Variants in TMEM223 observed in about 807,000 individuals in gnomAD.
TMEM223 encodes transmembrane protein 223.
Under a neutral mutation model 14.1 loss-of-function variants are expected in TMEM223, and 14 were observed. The ratio of observed to expected loss-of-function variants is 0.99; its 90% CI spans 0.66 to 1.55. TMEM223 has a LOEUF of 1.55. Among genes scored for constraint, TMEM223 ranks in the 40% most tolerant of loss-of-function variants. The pLI is 0.00. For missense variants in TMEM223, 346 were observed against 269.9 expected (o/e 1.28, Z -1.97); for synonymous variants, 145 against 120.5 (o/e 1.20, Z -1.33).
downstream of TMEM223, among the ~76,000 whole-genome samples, chr11:62,785,093 T>G (rs566972398): frequency 6.6e-6 from 1 of 152,112 alleles, no homozygotes; most frequent in South Asian, 2.1e-4. Flanking sequence ...TCCTTTGGCC[T>G]TCCCAAAGTG....
rs757495062 is a variant in TMEM223, at chr11:62,790,934, T to C, written c.317-19A>G. On this transcript the variant is annotated intron_variant, in intron 1 of 1. Coordinates refer to ENST00000307366, the MANE Select transcript of TMEM223 (RefSeq NM_001080501.3). ...AGGGCTCCTGCAGGCAGGGCAGAGA[T>C]TGGGGTGAGGGGTTTTCACTGGGCA... The C allele has an allele frequency of 5.2e-6, 8 of 1,538,122 alleles. No individual in the cohort carries two copies. The Admixed American group carries it at 6.0e-5, about 12-fold the overall frequency.
rs2084339670 is a variant in TMEM223, at chr11:62,789,991, C to G, written c.*632G>C. 6 of 1,614,052 alleles carry G rather than the reference C, an allele frequency of 3.7e-6. No homozygotes were observed. The highest frequency in any genetic ancestry group is 4.2e-6 in the Non-Finnish European group (5 of 1,180,010). On this transcript the variant is annotated 3_prime_UTR_variant, in exon 2 of 2. Coordinates refer to ENST00000307366, the MANE Select transcript of TMEM223 (RefSeq NM_001080501.3). ...ATACCGGCCTCTGGAGAGGGGTGAC[C>G]CTGAGTGGAGCTCTGAGACAGATGC...
At chr11:62,777,960 A>G (rs1415959655) in intron 1 of TMEM223, 3 of 1,613,400 alleles carry the variant, frequency 1.9e-6, no homozygotes, top group Non-Finnish European at 1.7e-6. Context: ...GCTGCTCTCC[A>G]ATTCCCTTTT....
At chr11:62,785,118 G>T (rs565144121), downstream of TMEM223, among the ~76,000 whole-genome samples, 2 of 151,880 alleles carry the variant, frequency 1.3e-5, no homozygotes, top group Non-Finnish European at 2.9e-5. Flanking sequence ...GATTACAAGC[G>T]TGAGGCACTG....
intron 1 of TMEM223, chr11:62,782,371 CAGAGCCAAGT>C: frequency 6.3e-7 from 1 of 1,598,276 alleles, no homozygotes; most frequent in Non-Finnish European, 8.5e-7. Flanking sequence ...GGGATTGCTG[CAGAGCCAAGT>C]GGGTTGGGGT....
downstream of TMEM223, chr11:62,787,071 G>A: frequency 6.5e-7 from 1 of 1,530,644 alleles, no homozygotes; most frequent in Non-Finnish European, 8.7e-7. Context: ...ACGTTTTCCA[G>A]AAGAGCCGTT....
chr11:62,783,535 CTTTTTT>C (rs1342686734), downstream of TMEM223, among the ~76,000 whole-genome samples: 1 of 133,914 alleles, frequency 7.5e-6, no homozygotes. Context: ...GAGGGAGGAT[CTTTTTT>C]TTTTTTTTTT....
rs370685933 is a variant in TMEM223, at chr11:62,791,859, T to C, written c.136A>G (p.Thr46Ala). The change falls in exon 1 of 2, where the codon ACC becomes GCC. Residue 46 changes from threonine (T) to alanine (A), a missense_variant. Thr to Ala is a moderately conservative substitution (Grantham distance 58). Coordinates refer to ENST00000307366, the MANE Select transcript of TMEM223 (RefSeq NM_001080501.3). ...CCCGCGCAGAACAGCCCGAGGATGGTGAAGAAGCGGCCCCGATCATGCTCA... is the reference window on the plus strand; with the variant it reads ...CCCGCGCAGAACAGCCCGAGGATGGCGAAGAAGCGGCCCCGATCATGCTCA... ...LFEHDRGRFF[T>A]ILGLFCAGQG... 2 of 1,592,470 alleles carry C rather than the reference T, an allele frequency of 1.3e-6. No individual in the cohort carries two copies. The highest frequency in any genetic ancestry group is 1.8e-5 in the Admixed American group (1 of 56,440).
rs532145780 is a variant in TMEM223 at position 62,791,975 on chromosome 11, C to A, written c.20G>T (p.Arg7Leu). 125 of 1,555,902 alleles carry A rather than the reference C, an allele frequency of 8.0e-5. No individual in the cohort carries two copies. The South Asian group carries it at 1.3e-3, about 16-fold the overall frequency. MAAPWR[R>L]WPTGLLAVLR... ...CACGGCTAGCAGCCCCGTGGGCCAT[C>A]GCCTCCAAGGCGCCGCCATGGCCAG... Residue 7 changes from arginine (R) to leucine (L), a missense_variant, in exon 1 of 2, where the codon CGA becomes CTA. Physicochemically the swap from Arg to Leu is moderately radical, Grantham distance 102. Transcript: ENST00000307366.
rs754251585 is a variant in TMEM223, at chr11:62,790,541, A to C, written c.*82T>G. 7.5e-7 allele frequency: 1 copy of C among 1,333,430 alleles called. No individual in the cohort carries two copies. The highest frequency in any genetic ancestry group is 1.0e-6 in the Non-Finnish European group (1 of 973,064). The allele number at this position is 1,333,430 out of a possible 1,614,324, so 82.6% of individuals were successfully genotyped here. On this transcript the variant is annotated 3_prime_UTR_variant, in exon 2 of 2. Transcript: ENST00000307366. Reference sequence around the variant, plus strand: ...CCTCCCAAAGTGCTGGGATTACAACAGGTGTGAACCAACACACCTGGCTCC... The same window carrying C: ...CCTCCCAAAGTGCTGGGATTACAACCGGTGTGAACCAACACACCTGGCTCC...
chr11:62,776,991 A>G (rs2084192922), intron 1 of TMEM223, among the ~76,000 whole-genome samples: 1 of 152,024 alleles, frequency 6.6e-6, no homozygotes, highest in African/African-American at 2.4e-5. Context: ...TACTAAAAAT[A>G]CAAAAATTAG....
At chr11:62,779,952 C>CCATATATATATATATATATATATATATA (rs1332185092) in intron 1 of TMEM223, among the ~76,000 whole-genome samples, 1 of 100,056 alleles carries the variant, frequency 1.0e-5, no homozygotes, top group Admixed American at 1.1e-4. Context: ...AGGCGTGAGC[C>CCATATATATATATATATATATATATATA]TATATATATA....
chr11:62,785,419 C>A (rs1422983666), downstream of TMEM223, among the ~76,000 whole-genome samples: 1 of 151,138 alleles, frequency 6.6e-6, no homozygotes, highest in Non-Finnish European at 1.5e-5. Flanking sequence ...GTCTCGAACT[C>A]CTGACCTCCT....
intron 1 of TMEM223, among the ~76,000 whole-genome samples, chr11:62,775,314 A>G (rs115370577): frequency 1.4e-3 from 220 of 152,320 alleles, no homozygotes; most frequent in African/African-American, 5.1e-3. Context: ...TGATTCAGTT[A>G]TCTCCACCTG....
At chr11:62,772,178 A>G in intron 2 of TMEM223, 1 of 456,088 alleles carries the variant, frequency 2.2e-6, no homozygotes, top group Non-Finnish European at 4.4e-6. Flanking sequence ...TATTGAGAAT[A>G]TAGTGAAGTA....
chr11:62,776,786 G>T (rs990691042), intron 1 of TMEM223, among the ~76,000 whole-genome samples: 1 of 151,228 alleles, frequency 6.6e-6, no homozygotes, highest in African/African-American at 2.4e-5. Context: ...AGCAGGCAGA[G>T]GTTGTGGTGA....
At chr11:62,785,784 C>T (rs190118920), downstream of TMEM223, among the ~76,000 whole-genome samples, 240 of 151,926 alleles carry the variant, frequency 1.6e-3, no homozygotes, top group Non-Finnish European at 2.5e-3. Context: ...ATCCACTGGC[C>T]TCGGCCTCCC....
chr11:62,780,085 G>T (rs1435652169), intron 1 of TMEM223, among the ~76,000 whole-genome samples: 1 of 149,782 alleles, frequency 6.7e-6, no homozygotes, highest in African/African-American at 2.5e-5. Context: ...TTGGGAGGCA[G>T]AGGTGGGCGG....
intron 1 of TMEM223, among the ~76,000 whole-genome samples, chr11:62,780,071 C>A (rs1240185233): frequency 6.7e-6 from 1 of 148,504 alleles, no homozygotes; most frequent in Non-Finnish European, 1.5e-5. Flanking sequence ...GGCCTCCCAG[C>A]ACTTTGGGAG....
Sources: gnomAD v4.1 joint callset for allele counts (sites outside exome capture counted in the v4.1 genomes callset) on GRCh38, gnomAD v4.1.1 for gene constraint, MANE v1.5 for transcripts, NCBI Gene and HGNC (gene_info 2026-07-23, HGNC 2026-07-21) for gene names.